Variants in RAG1 observed in about 807,000 individuals in gnomAD.
RAG1 encodes the protein recombination activating 1, also known as V(D)J recombination-activating protein 1.
A neutral mutation model predicts 62.7 loss-of-function variants in RAG1; 35 were observed. The observed-to-expected ratio is 0.56, with a 90% CI of 0.43 to 0.74. RAG1 has a LOEUF of 0.74. Among genes scored for constraint, RAG1 ranks in the 30% least tolerant of loss-of-function variants. The pLI is 0.00. For missense variants in RAG1, 1,169 were observed against 1,278.6 expected, an observed-to-expected ratio of 0.91 and a Z score of 1.31; for synonymous variants, 461 against 470.3, an observed-to-expected ratio of 0.98 and a Z score of 0.26.
At chr11:36,540,210 C>G (rs1249194122), downstream of RAG1, among the ~76,000 whole-genome samples, 2 of 152,070 alleles carry the variant, frequency 1.3e-5, no homozygotes, top group East Asian at 3.9e-4. Flanking sequence ...TCTCTGCAAA[C>G]CTGCCTACTG....
chr11:36,525,380 C>T (rs924993065), intron 2 of RAG1, among the ~76,000 whole-genome samples: 5 of 151,986 alleles, frequency 3.3e-5, no homozygotes, highest in Admixed American at 6.6e-5. Context: ...TCTTTTAGTT[C>T]GTTTACCTTC....
At chr11:36,521,801 A>G (rs1303806803) in intron 2 of RAG1, among the ~76,000 whole-genome samples, 2 of 152,186 alleles carry the variant, frequency 1.3e-5, no homozygotes, top group Non-Finnish European at 2.9e-5. Context: ...CTGAGGTGGT[A>G]TCAGATGGAG....
intron 1 of RAG1, among the ~76,000 whole-genome samples, chr11:36,511,737 C>T (rs1191936485): frequency 6.6e-6 from 1 of 152,166 alleles, no homozygotes; most frequent in African/African-American, 2.4e-5. Flanking sequence ...TCCCTAGAAG[C>T]TCCTCTTAAA....
At chr11:36,516,105 A>G (rs996356092) in intron 1 of RAG1, among the ~76,000 whole-genome samples, 102 of 152,374 alleles carry the variant, frequency 6.7e-4, no homozygotes, top group Non-Finnish European at 3.7e-4. Flanking sequence ...GCCGCTGTTC[A>G]TCAAGCAATG....
Position 36,573,760 on chromosome 11 carries a change from G to T in RAG1, c.456G>T (p.Pro152=), listed in dbSNP as rs368797111. 55 of 1,613,878 alleles carry T rather than the reference G, an allele frequency of 3.4e-5. No homozygotes were observed. The highest frequency in any genetic ancestry group is 4.4e-5 in the Non-Finnish European group (52 of 1,180,028). ...AGGAAAAGAGAGCTACTTCCTGGCC[G>T]GACCTCATTGCCAAGGTTTTCCGGA... ...RKKEKRATSW[P]DLIAKVFRID... is the part of the protein sequence containing the mutation. The change falls in exon 2 of 2, where the codon CCG becomes CCT. Residue 152 remains proline (P), a synonymous_variant. Coordinates refer to ENST00000299440, the MANE Select transcript of RAG1 (RefSeq NM_000448.3).
intron 1 of RAG1, among the ~76,000 whole-genome samples, chr11:36,569,746 G>A (rs867551752): frequency 6.6e-6 from 1 of 152,182 alleles, no homozygotes; most frequent in African/African-American, 2.4e-5. Context: ...AATAAAAAGT[G>A]CAAAAGGCCC....
chr11:36,574,692 CT>C lies in RAG1; in HGVS notation c.1389del (p.Gly464AlafsTer28). 1 of 1,614,228 alleles carries C rather than the reference CT, an allele frequency of 6.2e-7. No homozygotes were observed. The highest frequency in any genetic ancestry group is 8.5e-7 in the Non-Finnish European group (1 of 1,180,044). On this transcript the variant is annotated frameshift_variant, in exon 2 of 2. Transcript: ENST00000299440. LOFTEE classifies it high-confidence loss of function. Reference sequence around the variant, plus strand: ...GAGGCCATCATGCAGGGAAAGGGCTCTGGCCTGCAGCCAGCTGTTTGCTTGG... The same window carrying C: ...GAGGCCATCATGCAGGGAAAGGGCTCGGCCTGCAGCCAGCTGTTTGCTTGG... Reference protein sequence around the residue: ...ELEAIMQGKGSGLQPAVCLAI... With the variant: ...ELEAIMQGKGXGLQPAVCLAI...
intron 2 of RAG1, among the ~76,000 whole-genome samples, chr11:36,529,277 C>A (rs1860214396): frequency 6.6e-6 from 1 of 152,108 alleles, no homozygotes; most frequent in South Asian, 2.1e-4. Context: ...AGCAGTGTAT[C>A]AAAAAGCTTT....
At position 36,573,352 on chromosome 11, in the gene RAG1, T is replaced by A; in HGVS notation, c.48T>A (p.Asp16Glu). 6.2e-7 allele frequency: 1 copy of A among 1,614,180 alleles called. No individual in the cohort carries two copies. The highest frequency in any genetic ancestry group is 8.5e-7 in the Non-Finnish European group (1 of 1,179,994). Reference sequence around the variant, plus strand: ...CCTTGGGACTCAGTTCTGCCCCAGATGAAATTCAGCACCCACATATTAAAT... The same window carrying A: ...CCTTGGGACTCAGTTCTGCCCCAGAAGAAATTCAGCACCCACATATTAAAT... The part of the protein sequence containing the change: ...PPTLGLSSAP[D>E]EIQHPHIKFS... The change falls in exon 2 of 2, where the codon GAT becomes GAA. Residue 16 changes from aspartate (D) to glutamate (E), a missense_variant. This residue lies in a region of RAG1 where 369 missense variants were observed against 335.3 expected (regional missense o/e 1.10). Transcript: ENST00000299440.
chr11:36,541,227 G>A (rs560185491), intron 3 of RAG1, among the ~76,000 whole-genome samples: 12 of 152,290 alleles, frequency 7.9e-5, no homozygotes, highest in African/African-American at 2.4e-4. Flanking sequence ...CCCACTGGGC[G>A]TACTCCTGAA....
chr11:36,526,526 G>A (rs1860165708), intron 2 of RAG1, among the ~76,000 whole-genome samples: 1 of 152,086 alleles, frequency 6.6e-6, no homozygotes, highest in Admixed American at 6.6e-5. Flanking sequence ...ATTGTGAATA[G>A]TGCCACAATA....
intron 1 of RAG1, among the ~76,000 whole-genome samples, 187 bp downstream of exon 1, chr11:36,568,309 G>T (rs992897349): frequency 6.6e-6 from 1 of 152,094 alleles, no homozygotes; most frequent in Admixed American, 6.5e-5. Flanking sequence ...GCCACTGAAG[G>T]TTCATAGAAA....
chr11:36,549,508 C>G (rs1363063904), intron 3 of RAG1, among the ~76,000 whole-genome samples: 1 of 148,022 alleles, frequency 6.8e-6, no homozygotes, highest in Non-Finnish European at 1.5e-5. Context: ...ATGCAGCCAA[C>G]AAACAAAAGC....
chr11:36,566,081 AAG>A (rs137987566), upstream of RAG1, among the ~76,000 whole-genome samples: 1,979 of 150,044 alleles, frequency 0.013, 23 homozygotes, highest in East Asian at 0.036. Flanking sequence ...ATATGATTTG[AAG>A]AGAGAGAGAG....
intron 1 of RAG1, among the ~76,000 whole-genome samples, chr11:36,518,556 C>T (rs1860030005): frequency 6.6e-6 from 1 of 152,164 alleles, no homozygotes; most frequent in Non-Finnish European, 1.5e-5. Context: ...GATGGTATCT[C>T]ATTGTGGTTT....
At chr11:36,544,458 C>T (rs1264769886) in intron 3 of RAG1, among the ~76,000 whole-genome samples, 1 of 152,208 alleles carries the variant, frequency 6.6e-6, no homozygotes, top group Non-Finnish European at 1.5e-5. Context: ...GAATTTCTCT[C>T]TAGTCTAGTT....
intron 2 of RAG1, among the ~76,000 whole-genome samples, chr11:36,521,810 AGATGAG>A (rs1323998812): frequency 1.3e-5 from 2 of 152,166 alleles, no homozygotes; most frequent in Non-Finnish European, 2.9e-5. Context: ...TATCAGATGG[AGATGAG>A]GAACTTGTTG....
intron 2 of RAG1, among the ~76,000 whole-genome samples, chr11:36,522,959 C>T (rs1295686937): frequency 1.3e-5 from 2 of 152,186 alleles, no homozygotes; most frequent in Admixed American, 6.5e-5. Flanking sequence ...TGACTGTACC[C>T]CCATTGTACC....
intron 3 of RAG1, among the ~76,000 whole-genome samples, chr11:36,557,601 G>T (rs1012088268): frequency 3.3e-5 from 5 of 152,194 alleles, no homozygotes; most frequent in Admixed American, 3.3e-4. Flanking sequence ...GCTGTAGACC[G>T]GAGCTGTTCC....
Sources: gnomAD v4.1 joint callset for allele counts (sites outside exome capture counted in the v4.1 genomes callset) on GRCh38, gnomAD v4.1.1 for gene constraint, gnomAD v4.1.1 regional missense constraint, MANE v1.5 for transcripts, NCBI Gene and HGNC (gene_info 2026-07-23, HGNC 2026-07-21) for gene names.